Variants in UCK2 observed in about 807,000 individuals in gnomAD.
UCK2 encodes the protein cytidine monophosphokinase 2.
UCK2 carries 6 observed loss-of-function variants against 30.8 expected under a neutral mutation model. That is an observed-to-expected ratio of 0.19 (90% CI 0.11 to 0.38). UCK2 has a LOEUF of 0.38. Among genes scored for constraint, UCK2 ranks in the 10% least tolerant of loss-of-function variants. The pLI is 1.00. For synonymous variants in UCK2, 125 were observed against 133.6 expected (o/e 0.94, Z 0.45); for missense variants, 210 against 339.8 (o/e 0.62, Z 3.00).
chr1:165,908,017 T>A lies in UCK2; in HGVS notation c.*194T>A. The A allele has an allele frequency of 1.3e-6, 1 of 759,906 alleles. No homozygotes were observed. Among genetic ancestry groups the A allele is most frequent in the Non-Finnish European group, 2.0e-6 (1 of 510,156 alleles). The allele number at this position is 759,906 out of a possible 1,614,324, so 47.1% of individuals were successfully genotyped here. ...ATGAAACAGAACTTGACCCTGAGCT[T>A]AAATAACAAAACTGTGCCAACTACT... On this transcript the variant is annotated 3_prime_UTR_variant, in exon 7 of 7. Coordinates refer to ENST00000367879, the MANE Select transcript of UCK2 (RefSeq NM_012474.5).
chr1:165,890,138 C>T (rs891558470), intron 1 of UCK2, 66 bp from the exon 2 acceptor site: 32 of 1,577,496 alleles, frequency 2.0e-5, no homozygotes, highest in African/African-American at 4.0e-5. Context: ...TGGTTACTCT[C>T]GGGACTTCCT....
chr1:165,857,495 G>T (rs1029035770), intron 1 of UCK2, among the ~76,000 whole-genome samples: 3 of 152,192 alleles, frequency 2.0e-5, no homozygotes, highest in African/African-American at 7.2e-5. Flanking sequence ...ACAATTGCCT[G>T]GGGTAGGGAG....
At chr1:165,874,149 CAG>C (rs149557608) in intron 1 of UCK2, among the ~76,000 whole-genome samples, 1,923 of 152,226 alleles carry the variant, frequency 0.013, 46 homozygotes, top group African/African-American at 0.044. Context: ...ACAAAAGAGA[CAG>C]GGGTAGATGG....
chr1:165,842,587 C>A (rs979349636), intron 1 of UCK2, among the ~76,000 whole-genome samples: 3 of 152,200 alleles, frequency 2.0e-5, no homozygotes, highest in Non-Finnish European at 4.4e-5. Context: ...TTCTGAATTT[C>A]TCTTGAAATA....
At position 165,891,288 on chromosome 1, in the gene UCK2, C is replaced by G. The variant is rs143841296; in HGVS notation, c.322C>G (p.Gln108Glu). 7.2e-5 allele frequency: 117 copies of G among 1,614,174 alleles called. No individual in the cohort carries two copies. In the African/African-American group the frequency reaches 1.5e-3, roughly 21 times the overall value. ...AGAAATCACTGAAGGGAAAACAGTC[C>G]AGATCCCCGTGTATGACTTTGTCTC... ...LKEITEGKTV[Q>E]IPVYDFVSHS... The change falls in exon 3 of 7, where the codon CAG (glutamine) becomes GAG (glutamate). Residue 108 changes from glutamine to glutamate, a missense_variant. This residue lies in a region of UCK2 where 75 missense variants were observed against 124.7 expected (regional missense o/e 0.60). Coordinates refer to ENST00000367879, the MANE Select transcript of UCK2 (RefSeq NM_012474.5).
chr1:165,859,597 GAT>G (rs1654842937), intron 1 of UCK2, among the ~76,000 whole-genome samples: 1 of 152,126 alleles, frequency 6.6e-6, no homozygotes, highest in African/African-American at 2.4e-5. Flanking sequence ...AGGGTGGGTG[GAT>G]CACTTTGAGC....
At position 165,907,972 on chromosome 1, in the gene UCK2, T is replaced by A; in HGVS notation, c.*149T>A. On this transcript the variant is annotated 3_prime_UTR_variant, in exon 7 of 7. Coordinates refer to ENST00000367879, the MANE Select transcript of UCK2 (RefSeq NM_012474.5). The stretch of plus-strand genomic sequence containing the variant: ...AATGCCTTTGATTTTTTTTTTCTTT[T>A]TGTACTTTGGAACGACAAAATGAAA... 1 of 1,223,072 alleles carries A rather than the reference T, an allele frequency of 8.2e-7. No homozygotes were observed. The highest frequency in any genetic ancestry group is 1.1e-6 in the Non-Finnish European group (1 of 913,306). The allele number at this position is 1,223,072 out of a possible 1,614,324, so 75.8% of individuals were successfully genotyped here. A position where few individuals can be genotyped will look rare whatever the true frequency, so the allele number is the denominator to read the frequency against.
At chr1:165,905,746 A>G (rs967283817) in intron 5 of UCK2, among the ~76,000 whole-genome samples, 175 bp from the exon 6 acceptor site, 14 of 152,140 alleles carry the variant, frequency 9.2e-5, no homozygotes, top group African/African-American at 3.4e-4. Context: ...CCAAATTTCT[A>G]TTAATAGATG....
intron 1 of UCK2, among the ~76,000 whole-genome samples, chr1:165,829,247 T>C (rs541201900): frequency 6.6e-6 from 1 of 152,364 alleles, no homozygotes; most frequent in South Asian, 2.1e-4. Flanking sequence ...GTGTGCTCCC[T>C]GGTTGAAGGC....
intron 1 of UCK2, among the ~76,000 whole-genome samples, chr1:165,884,116 A>G (rs16852373): frequency 0.032 from 4,737 of 146,412 alleles, 239 homozygotes; most frequent in African/African-American, 0.11. Flanking sequence ...TGACAGGGAA[A>G]GCTACTGCCA....
At chr1:165,873,216 G>C (rs1655247463) in intron 1 of UCK2, among the ~76,000 whole-genome samples, 1 of 152,182 alleles carries the variant, frequency 6.6e-6, no homozygotes. Context: ...CTGAGATAGA[G>C]AATAGCGAGA....
intron 1 of UCK2, among the ~76,000 whole-genome samples, chr1:165,880,587 G>GA (rs200468662): frequency 1.0e-5 from 1 of 98,358 alleles, no homozygotes; most frequent in Non-Finnish European, 2.4e-5. Flanking sequence ...GTGTGTGTGT[G>GA]TGTGTGTGTG....
chr1:165,863,912 C>T (rs1202902207), intron 1 of UCK2, among the ~76,000 whole-genome samples: 1 of 152,192 alleles, frequency 6.6e-6, no homozygotes, highest in Non-Finnish European at 1.5e-5. Context: ...TTAAATATGG[C>T]AGTCACCTTA....
At chr1:165,884,442 G>T (rs1655572363) in intron 1 of UCK2, among the ~76,000 whole-genome samples, 1 of 152,168 alleles carries the variant, frequency 6.6e-6, no homozygotes. Flanking sequence ...CTTCTGTAAG[G>T]ATGACTGTGA....
intron 1 of UCK2, among the ~76,000 whole-genome samples, chr1:165,888,081 A>C (rs1168595843): frequency 6.6e-6 from 1 of 152,202 alleles, no homozygotes; most frequent in African/African-American, 2.4e-5. Context: ...TTTAGTTTGC[A>C]CTGACTTGTG....
rs562989479 is a variant in UCK2 at position 165,828,740 on chromosome 1, G to T, written c.99+808G>T. 3.7e-3 allele frequency among the ~76,000 whole-genome samples: 564 copies of T among 152,288 alleles called. 3 individuals are homozygous for T. Among genetic ancestry groups the T allele is most frequent in the Non-Finnish European group, 6.1e-3 (417 of 68,014 alleles). ...TCCTTTGTTTTATCCGCAAGGCAAG[G>T]AGAGACAAGGGAAATGACTTCCTAG... is the stretch of plus-strand genomic sequence containing the variant. On this transcript the variant is annotated intron_variant, in intron 1 of 6. Coordinates refer to ENST00000367879, the MANE Select transcript of UCK2 (RefSeq NM_012474.5).
intron 6 of UCK2, 68 bp downstream of exon 6, chr1:165,906,037 G>A: frequency 6.7e-7 from 1 of 1,490,822 alleles, no homozygotes; most frequent in South Asian, 1.1e-5. Flanking sequence ...TTTGGGGCAG[G>A]ATGTGGTGAC....
rs565300262 is a variant in UCK2, at chr1:165,873,636, A to G, written c.100-16568A>G. Among the ~76,000 whole-genome samples the G allele has an allele frequency of 9.9e-5, 15 of 152,180 alleles. No homozygotes were observed. In the South Asian group the frequency reaches 1.7e-3, roughly 17 times the overall value. On this transcript the variant is annotated intron_variant, in intron 1 of 6. Transcript: ENST00000367879. ...GTAGTTCATCATCAGTAAAACCTCC[A>G]TATTCTCAACCCTTTCTTTTGAGTG...
In UCK2 at chr1:165,903,242, C is replaced by T. The variant is rs36009659; in HGVS notation, c.560C>T (p.Thr187Met). The change falls in exon 5 of 7, where the codon ACG becomes ATG. Residue 187 changes from threonine (T) to methionine (M), a missense_variant. Transcript: ENST00000367879. The part of the protein sequence containing the change: ...DLEQILSQYI[T>M]FVKPAFEEFC... ...GAGCAGATTTTATCTCAGTACATTA[C>T]GTTCGTCAAGCCTGCCTTTGAGGAA... The T allele has an allele frequency of 1.1e-4, 184 of 1,614,058 alleles. 1 individual carries two copies. In the African/African-American group the frequency reaches 1.5e-3, roughly 13 times the overall value.
Sources: gnomAD v4.1 joint callset for allele counts (sites outside exome capture counted in the v4.1 genomes callset) on GRCh38, gnomAD v4.1.1 for gene constraint, gnomAD v4.1.1 regional missense constraint, MANE v1.5 for transcripts, NCBI Gene and HGNC (gene_info 2026-07-23, HGNC 2026-07-21) for gene names.